The following MGAM2 variants were observed in gnomAD, a reference collection of about 807,000 sequenced individuals.
The protein encoded by MGAM2 is probable maltase-glucoamylase 2.
In MGAM2, 98 loss-of-function variants were observed where a neutral mutation model predicts 96.1. That is an observed-to-expected ratio of 1.02 (90% CI 0.87 to 1.21). The LOEUF is 1.21. Ranked by LOEUF, MGAM2 falls within the 50% of genes most tolerant of loss-of-function variation. MGAM2 has a pLI of 0.00. For synonymous variants in MGAM2, 749 were observed against 414.8 expected (o/e 1.81, Z -9.79); for missense variants, 2,055 against 1,182.4 (o/e 1.74, Z -10.82).
rs1563258537 is a variant in MGAM2, at chr7:142,144,853, C to T, written c.1432-8C>T. The T allele has an allele frequency of 1.4e-6, 1 of 698,304 alleles. No individual in the cohort carries two copies. Among genetic ancestry groups the T allele is most frequent in the Non-Finnish European group, 2.6e-6 (1 of 383,070 alleles). The allele number at this position is 698,304 out of a possible 1,614,324, so 43.3% of individuals were successfully genotyped here. ...ATTTTACACTTTGTGTGTTTTGTGT[C>T]TTTGAAGGAAATGAATGAAGTATCT... On this transcript the variant is annotated splice_region_variant and splice_polypyrimidine_tract_variant and intron_variant, in intron 13 of 47. Transcript: ENST00000477922.
chr7:142,161,061 T>C (rs34106041), intron 21 of MGAM2, 64 bp from the exon 22 acceptor site: 224,638 of 688,264 alleles, frequency 0.33, 38,542 homozygotes, highest in Non-Finnish European at 0.36. Flanking sequence ...GGGATGAAGG[T>C]GGCTGGTTTC....
At chr7:142,112,255 G>C (rs528977004) in intron 1 of MGAM2, among the ~76,000 whole-genome samples, 7 of 152,108 alleles carry the variant, frequency 4.6e-5, no homozygotes, top group Admixed American at 6.5e-5. Context: ...TCCCCATCCT[G>C]TCCTCTGCCT....
intron 37 of MGAM2, among the ~76,000 whole-genome samples, chr7:142,190,731 T>TAAA (rs1477506623): frequency 2.6e-5 from 4 of 152,236 alleles, no homozygotes; most frequent in Non-Finnish European, 5.9e-5. Flanking sequence ...TTTATTTCAC[T>TAAA]AATACTAATG....
At chr7:142,179,267 A>AG (rs1796467639) in intron 32 of MGAM2, among the ~76,000 whole-genome samples, 1 of 152,138 alleles carries the variant, frequency 6.6e-6, no homozygotes, top group African/African-American at 2.4e-5. Flanking sequence ...CAAAGTGTTT[A>AG]GGGTTTTCTA....
chr7:142,167,253 C>A lies in MGAM2; in HGVS notation c.2809-15C>A. ...TGTATCAGAGGCTGAGCAAGACTTT[C>A]TCCTGTTATTCCAGGACACATCTAC... On this transcript the variant is annotated splice_polypyrimidine_tract_variant and intron_variant, in intron 25 of 47. Transcript: ENST00000477922. The A allele has an allele frequency of 6.0e-6, 4 of 668,946 alleles. No individual in the cohort carries two copies. Among genetic ancestry groups the A allele is most frequent in the South Asian group, 1.6e-5 (1 of 61,426 alleles). 41.4% of individuals were successfully genotyped at this position (668,946 alleles called of 1,614,324 possible).
intron 40 of MGAM2, 86 bp downstream of exon 40, chr7:142,196,902 T>C (rs1172703124): frequency 3.1e-6 from 2 of 637,058 alleles, no homozygotes; most frequent in Non-Finnish European, 5.6e-6. Context: ...ACTCATTTCC[T>C]GAGAAAAATC....
intron 27 of MGAM2, among the ~76,000 whole-genome samples, chr7:142,170,551 T>C (rs1796155552): frequency 6.6e-6 from 1 of 152,146 alleles, no homozygotes; most frequent in African/African-American, 2.4e-5. Context: ...GAGTTCCATA[T>C]TATGTCTCAT....
chr7:142,120,789 T>C (rs1191143977), intron 3 of MGAM2, among the ~76,000 whole-genome samples: 1 of 152,170 alleles, frequency 6.6e-6, no homozygotes, highest in Non-Finnish European at 1.5e-5. Flanking sequence ...AGCATTTACC[T>C]GAGTCACTGG....
At chr7:142,179,988 A>C (rs193284660) in intron 32 of MGAM2, among the ~76,000 whole-genome samples, 117 of 151,630 alleles carry the variant, frequency 7.7e-4, no homozygotes, top group Admixed American at 1.6e-3. Flanking sequence ...TTGGTTAAGG[A>C]CTTTTTTTTG....
rs200877385 is a variant in MGAM2 at position 142,131,049 on chromosome 7, T to C, written c.288T>C (p.Asn96=). 1.2e-4 allele frequency: 85 copies of C among 702,660 alleles called. No individual in the cohort carries two copies. The highest frequency in any genetic ancestry group is 3.0e-4 in the Admixed American group (15 of 50,004). 43.5% of individuals were successfully genotyped at this position (702,660 alleles called of 1,614,324 possible). ...GGAACTGGGGCTATGAAGCCAGCAA[T>C]GGCCATACAAATACAAGCACAGGTG... ...FPWNWGYEAS[N]GHTNTSTGFT... Residue 96 remains asparagine (N), a synonymous_variant, in exon 4 of 48, where the codon AAT becomes AAC. Coordinates refer to ENST00000477922, the MANE Select transcript of MGAM2 (RefSeq NM_001293626.2).
chr7:142,188,109 A>AACACACACACACAC lies in MGAM2; in HGVS notation c.4207+304_4207+317dup, dbSNP rs60052742. On this transcript the variant is annotated intron_variant, in intron 36 of 47. Transcript: ENST00000477922. ...TGCTAAAATTTTAAATAAACCCTTA[A>AACACACACACACAC]ACACACACACACACACACACACACA... 4.0e-3 allele frequency among the ~76,000 whole-genome samples: 572 copies of AACACACACACACAC among 143,644 alleles called. 8 individuals carry two copies. The highest frequency in any genetic ancestry group is 0.013 in the African/African-American group (492 of 38,534). 94.2% of individuals were successfully genotyped at this position (143,644 alleles called of 152,430 possible). A position where few individuals can be genotyped will look rare whatever the true frequency, so the allele number is the denominator to read the frequency against.
At chr7:142,137,596 C>CCTG in intron 9 of MGAM2, 51 bp downstream of exon 9, 1 of 617,766 alleles carries the variant, frequency 1.6e-6, no homozygotes, top group Admixed American at 2.7e-5. Flanking sequence ...ATCTCATATA[C>CCTG]TCATTATAAA....
intron 3 of MGAM2, among the ~76,000 whole-genome samples, chr7:142,125,680 A>G (rs1794715923): frequency 6.6e-6 from 1 of 152,204 alleles, no homozygotes; most frequent in East Asian, 1.9e-4. Context: ...TTTGTTTATA[A>G]TAGGTATGAA....
At chr7:142,198,997 C>G (rs1176829420) in intron 44 of MGAM2, among the ~76,000 whole-genome samples, 3 of 152,074 alleles carry the variant, frequency 2.0e-5, no homozygotes, top group Admixed American at 6.5e-5. Context: ...TTCCTGAAGG[C>G]AGAAAAATGT....
chr7:142,112,741 A>G (rs1417281962), intron 1 of MGAM2, among the ~76,000 whole-genome samples: 2 of 152,208 alleles, frequency 1.3e-5, no homozygotes, highest in Non-Finnish European at 2.9e-5. Context: ...ATATTCATCT[A>G]TAAAATGGAA....
Position 142,208,577 on chromosome 7 carries a change from C to T in MGAM2, c.5142C>T (p.Thr1714=), listed in dbSNP as rs1224041311. The change falls in exon 46 of 48, where the codon ACC becomes ACT. Residue 1714 remains threonine (T), a synonymous_variant. Transcript: ENST00000477922. ...TTTTCTTTTCCTTGTTTGCAGATAC[C>T]TATGAAAATGGAAATTATTTTTTGG... The part of the protein sequence containing the change: ...VFWDDGQSID[T]YENGNYFLAN... The T allele has an allele frequency of 1.4e-6, 1 of 702,730 alleles. No homozygotes were observed. The highest frequency in any genetic ancestry group is 2.0e-5 in the Admixed American group (1 of 49,990). 43.5% of individuals were successfully genotyped at this position (702,730 alleles called of 1,614,324 possible). A position where few individuals can be genotyped will look rare whatever the true frequency, so the allele number is the denominator to read the frequency against.
chr7:142,204,978 T>C (rs938059461), intron 45 of MGAM2, among the ~76,000 whole-genome samples: 1 of 152,162 alleles, frequency 6.6e-6, no homozygotes, highest in East Asian at 1.9e-4. Context: ...TGCATTTTAA[T>C]ATTCCTGTCT....
At chr7:142,218,912 C>T (rs1797841668) in intron 47 of MGAM2, among the ~76,000 whole-genome samples, 1 of 151,742 alleles carries the variant, frequency 6.6e-6, no homozygotes. Context: ...GAAGGTTGCC[C>T]CCATGCTTCC....
rs117674740 is a variant in MGAM2, at chr7:142,178,893, C to A, written c.3816+3113C>A. 5.3e-3 allele frequency among the ~76,000 whole-genome samples: 812 copies of A among 152,166 alleles called. 2 individuals are homozygous for A. The highest frequency in any genetic ancestry group is 0.032 in the South Asian group (155 of 4,818). On this transcript the variant is annotated intron_variant, in intron 32 of 47. Transcript: ENST00000477922. ...TTGTAATGATGTTAATTCTTCCAGT[C>A]CATGAGCATGAAATGTTTTTTCATT...
Sources: gnomAD v4.1 joint callset for allele counts (sites outside exome capture counted in the v4.1 genomes callset) on GRCh38, gnomAD v4.1.1 for gene constraint, MANE v1.5 for transcripts, NCBI Gene and HGNC (gene_info 2026-07-23, HGNC 2026-07-21) for gene names.